The following ST6GALNAC3 variants were observed in gnomAD, a reference collection of about 807,000 sequenced individuals.
ST6GALNAC3 encodes alpha-N-acetylgalactosaminide alpha-2,6-sialyltransferase 3.
ST6GALNAC3 carries 25 observed loss-of-function variants against 32.7 expected under a neutral mutation model. That is an observed-to-expected ratio of 0.76 (90% CI 0.56 to 1.07). The LOEUF (loss-of-function observed/expected upper bound fraction) is 1.07. ST6GALNAC3 is among the 50% of genes least tolerant of loss of function. ST6GALNAC3 has a pLI of 0.00. For synonymous variants in ST6GALNAC3, 129 were observed against 133.1 expected (o/e 0.97, Z 0.21); for missense variants, 355 against 382.4 (o/e 0.93, Z 0.60).
At chr1:76,321,007 A>G (rs1646957535) in intron 2 of ST6GALNAC3, among the ~76,000 whole-genome samples, 1 of 151,732 alleles carries the variant, frequency 6.6e-6, no homozygotes, top group African/African-American at 2.4e-5. Context: ...ATATATAGTC[A>G]GGTAGGTGTA....
At chr1:76,287,676 C>T (rs1178817794) in intron 1 of ST6GALNAC3, among the ~76,000 whole-genome samples, 1 of 152,178 alleles carries the variant, frequency 6.6e-6, no homozygotes, top group Non-Finnish European at 1.5e-5. Context: ...TGCTTTATGA[C>T]TGTCATGTGA....
intron 3 of ST6GALNAC3, among the ~76,000 whole-genome samples, chr1:76,512,709 C>T (rs1490112935): frequency 6.6e-6 from 1 of 152,164 alleles, no homozygotes; most frequent in Non-Finnish European, 1.5e-5. Context: ...ACCAGCCTCT[C>T]TCTATCCTCC....
intron 3 of ST6GALNAC3, among the ~76,000 whole-genome samples, chr1:76,545,967 G>A (rs1173655982): frequency 1.3e-5 from 2 of 152,104 alleles, no homozygotes; most frequent in Non-Finnish European, 2.9e-5. Flanking sequence ...CAGAAGAAAC[G>A]TTTTACAGAT....
At chr1:76,416,393 C>A (rs2101338864) in intron 3 of ST6GALNAC3, among the ~76,000 whole-genome samples, 1 of 152,038 alleles carries the variant, frequency 6.6e-6, no homozygotes, top group South Asian at 2.1e-4. Context: ...TTATTTTCAT[C>A]ATCAAGTTTT....
chr1:76,456,529 T>C (rs1157581759), intron 3 of ST6GALNAC3, among the ~76,000 whole-genome samples: 1 of 152,048 alleles, frequency 6.6e-6, no homozygotes, highest in Non-Finnish European at 1.5e-5. Flanking sequence ...TCTTTTAAGT[T>C]TTATATAATC....
chr1:76,380,332 T>A (rs1048017695), intron 2 of ST6GALNAC3, among the ~76,000 whole-genome samples: 4 of 152,196 alleles, frequency 2.6e-5, no homozygotes. Flanking sequence ...GGCCAGGATA[T>A]GCAGGAATTG....
At chr1:76,158,950 A>G (rs945940426) in intron 1 of ST6GALNAC3, among the ~76,000 whole-genome samples, 1 of 152,104 alleles carries the variant, frequency 6.6e-6, no homozygotes, top group Admixed American at 6.5e-5. Context: ...CTGAGCCAGG[A>G]TCCCCACTCA....
At chr1:76,182,786 C>T (rs540294376) in intron 1 of ST6GALNAC3, among the ~76,000 whole-genome samples, 1 of 152,130 alleles carries the variant, frequency 6.6e-6, no homozygotes, top group African/African-American at 2.4e-5. Flanking sequence ...ATTTGAAGAG[C>T]ATAAAGTCGT....
At chr1:76,184,914 G>A (rs1024100368) in intron 1 of ST6GALNAC3, among the ~76,000 whole-genome samples, 3 of 152,184 alleles carry the variant, frequency 2.0e-5, no homozygotes, top group Non-Finnish European at 2.9e-5. Context: ...ATGGCCATGT[G>A]TGCTTCTGTC....
chr1:76,175,493 A>T (rs35088605), intron 1 of ST6GALNAC3, among the ~76,000 whole-genome samples: 1 of 146,680 alleles, frequency 6.8e-6, no homozygotes, highest in Non-Finnish European at 1.5e-5. Flanking sequence ...TTTGCTTTGA[A>T]CCCCCTGAAT....
chr1:76,158,142 C>T (rs1032185), intron 1 of ST6GALNAC3, among the ~76,000 whole-genome samples: 87,747 of 152,218 alleles, frequency 0.58, 28,594 homozygotes, highest in East Asian at 0.92. Flanking sequence ...CGGAGGCCAT[C>T]TGTGGGGTGG....
intron 2 of ST6GALNAC3, among the ~76,000 whole-genome samples, chr1:76,401,121 C>T (rs891250428): frequency 2.6e-5 from 4 of 151,976 alleles, no homozygotes; most frequent in African/African-American, 9.7e-5. Flanking sequence ...CACTGACTTG[C>T]CTTTATCCAT....
chr1:76,295,999 A>G (rs1473505204), intron 1 of ST6GALNAC3, among the ~76,000 whole-genome samples: 1 of 152,046 alleles, frequency 6.6e-6, no homozygotes, highest in Non-Finnish European at 1.5e-5. Flanking sequence ...TTTTAGCTCA[A>G]AATAATTATG....
intron 3 of ST6GALNAC3, among the ~76,000 whole-genome samples, chr1:76,523,161 C>A (rs923147144): frequency 6.6e-6 from 1 of 152,098 alleles, no homozygotes; most frequent in Non-Finnish European, 1.5e-5. Context: ...AAGGCGTCAA[C>A]CTTAATGTGA....
At chr1:76,561,122 C>G (rs913932549) in intron 3 of ST6GALNAC3, among the ~76,000 whole-genome samples, 4 of 152,190 alleles carry the variant, frequency 2.6e-5, no homozygotes, top group African/African-American at 9.7e-5. Context: ...TGCCTGTTCT[C>G]TCACTCATTT....
intron 3 of ST6GALNAC3, among the ~76,000 whole-genome samples, chr1:76,476,370 G>A (rs532768306): frequency 6.6e-6 from 1 of 152,212 alleles, no homozygotes; most frequent in African/African-American, 2.4e-5. Context: ...GGCTATTGGT[G>A]GGATTTGCCT....
intron 1 of ST6GALNAC3, among the ~76,000 whole-genome samples, chr1:76,107,996 T>A (rs1263815730): frequency 6.6e-6 from 1 of 152,188 alleles, no homozygotes; most frequent in African/African-American, 2.4e-5. Flanking sequence ...GAGCTGCGAT[T>A]TTAGCTATAT....
At chr1:76,505,197 C>T (rs61771559) in intron 3 of ST6GALNAC3, among the ~76,000 whole-genome samples, 11,221 of 151,568 alleles carry the variant, frequency 0.074, 706 homozygotes, top group African/African-American at 0.17. Context: ...GGTCTCAGCT[C>T]ACTGCAACCT....
At chr1:76,602,982 A>G (rs1647303468) in intron 3 of ST6GALNAC3, among the ~76,000 whole-genome samples, 1 of 152,196 alleles carries the variant, frequency 6.6e-6, no homozygotes, top group African/African-American at 2.4e-5. Context: ...ATCTGAAAAG[A>G]TTATCAACCT....
Sources: gnomAD v4.1 joint callset for allele counts (sites outside exome capture counted in the v4.1 genomes callset) on GRCh38, gnomAD v4.1.1 for gene constraint, MANE v1.5 for transcripts, NCBI Gene and HGNC (gene_info 2026-07-23, HGNC 2026-07-21) for gene names.